The following CACNA2D1 variants were observed in gnomAD, a reference collection of about 807,000 sequenced individuals.
CACNA2D1 encodes the protein calcium voltage-gated channel auxiliary subunit alpha2delta 1, also known as voltage-dependent calcium channel subunit alpha-2/delta-1.
Under a neutral mutation model 171.5 loss-of-function variants are expected in CACNA2D1, and 53 were observed. The observed-to-expected ratio is 0.31, with a 90% CI of 0.25 to 0.39. CACNA2D1 has a LOEUF of 0.39. CACNA2D1 is among the 10% of genes least tolerant of loss of function. The pLI is 1.00. For synonymous variants in CACNA2D1, 442 were observed against 443.1 expected (o/e 1.00, Z 0.03); for missense variants, 903 against 1,299.8 (o/e 0.69, Z 4.69).
intron 7 of CACNA2D1, among the ~76,000 whole-genome samples, chr7:82,072,157 T>C (rs1318789144): frequency 2.0e-5 from 3 of 152,244 alleles, no homozygotes; most frequent in African/African-American, 7.2e-5. Context: ...GGGTCAAGCA[T>C]TAAAGCTTTG....
chr7:82,015,057 A>G (rs1320363205), intron 12 of CACNA2D1, among the ~76,000 whole-genome samples: 1 of 152,158 alleles, frequency 6.6e-6, no homozygotes, highest in Non-Finnish European at 1.5e-5. Context: ...CATTTCAAAA[A>G]AAGAAAAAAG....
At chr7:82,378,141 T>G (rs982536801) in intron 1 of CACNA2D1, among the ~76,000 whole-genome samples, 3 of 152,230 alleles carry the variant, frequency 2.0e-5, no homozygotes, top group Admixed American at 1.3e-4. Context: ...CGCATGCTTG[T>G]AATTCCAGCA....
intron 7 of CACNA2D1, among the ~76,000 whole-genome samples, chr7:82,080,382 T>C (rs1301203969): frequency 6.6e-6 from 1 of 152,098 alleles, no homozygotes. Flanking sequence ...AAATGAAAAT[T>C]ATAAAATTCT....
chr7:82,041,134 G>A (rs560327723), intron 10 of CACNA2D1, among the ~76,000 whole-genome samples: 15 of 152,226 alleles, frequency 9.9e-5, no homozygotes, highest in African/African-American at 3.6e-4. Context: ...GCTGGATGCA[G>A]AGCTGGAAAA....
At chr7:82,354,954 G>C (rs1469582459) in intron 1 of CACNA2D1, among the ~76,000 whole-genome samples, 1 of 152,030 alleles carries the variant, frequency 6.6e-6, no homozygotes. Flanking sequence ...TCATAAACAA[G>C]GCTTATCTCT....
chr7:82,009,262 T>A (rs1213270852), intron 15 of CACNA2D1: 1 of 152,152 alleles, frequency 6.6e-6, no homozygotes, highest in African/African-American at 2.4e-5. Flanking sequence ...CACATGGAAC[T>A]GTGAGTCAAT....
intron 2 of CACNA2D1, among the ~76,000 whole-genome samples, chr7:82,341,431 C>T (rs761978165): frequency 5.9e-5 from 9 of 152,056 alleles, no homozygotes; most frequent in Non-Finnish European, 1.3e-4. Context: ...ACAAACAAAA[C>T]CTCCTTTTCC....
At chr7:81,990,642 G>C (rs1278390637) in intron 21 of CACNA2D1, among the ~76,000 whole-genome samples, 1 of 152,122 alleles carries the variant, frequency 6.6e-6, no homozygotes, top group Non-Finnish European at 1.5e-5. Flanking sequence ...AGGAGAGTTA[G>C]AGCAAGAAAG....
At chr7:82,358,937 C>T in intron 1 of CACNA2D1, among the ~76,000 whole-genome samples, 1 of 152,088 alleles carries the variant, frequency 6.6e-6, no homozygotes, top group East Asian at 1.9e-4. Context: ...GCTTCCAAGA[C>T]AACAAATAAA....
chr7:82,145,017 C>A (rs919807876), intron 4 of CACNA2D1, among the ~76,000 whole-genome samples: 1 of 151,524 alleles, frequency 6.6e-6, no homozygotes, highest in East Asian at 1.9e-4. Context: ...AGGTTAGAAA[C>A]CTAAACACAT....
At chr7:82,142,874 C>T (rs1792559098) in intron 4 of CACNA2D1, among the ~76,000 whole-genome samples, 1 of 152,170 alleles carries the variant, frequency 6.6e-6, no homozygotes, top group Non-Finnish European at 1.5e-5. Context: ...TAGCTAAAAT[C>T]ATTTATAGCT....
intron 3 of CACNA2D1, among the ~76,000 whole-genome samples, chr7:82,217,853 A>G (rs1801322168): frequency 6.6e-6 from 1 of 151,010 alleles, no homozygotes; most frequent in Admixed American, 6.6e-5. Flanking sequence ...ACCTACATGT[A>G]CTGAAATTTT....
At chr7:82,421,826 TTCAGGACTATCTGAAG>T (rs1441225102) in intron 1 of CACNA2D1, among the ~76,000 whole-genome samples, 1 of 152,208 alleles carries the variant, frequency 6.6e-6, no homozygotes, top group African/African-American at 2.4e-5. Flanking sequence ...AGAATCTTAT[TTCAGGACTATCTGAAG>T]TCTACAGAAT....
chr7:82,000,457 A>T (rs1169077051), intron 18 of CACNA2D1, among the ~76,000 whole-genome samples: 1 of 152,150 alleles, frequency 6.6e-6, no homozygotes, highest in Non-Finnish European at 1.5e-5. Context: ...GAAGAAAATT[A>T]AACACTACAG....
chr7:82,157,098 G>T (rs1054842633), intron 4 of CACNA2D1, among the ~76,000 whole-genome samples: 1 of 152,036 alleles, frequency 6.6e-6, no homozygotes, highest in Admixed American at 6.6e-5. Flanking sequence ...AATTCACAAA[G>T]CTTGCAACAT....
chr7:82,176,970 A>G (rs1416824198), intron 3 of CACNA2D1, among the ~76,000 whole-genome samples: 1 of 151,922 alleles, frequency 6.6e-6, no homozygotes, highest in African/African-American at 2.4e-5. Context: ...ATACATTTTT[A>G]AAGTACTGCT....
Position 81,967,198 on chromosome 7 carries a change from G to A in CACNA2D1, c.2473C>T (p.Pro825Ser). 6.2e-7 allele frequency: 1 copy of A among 1,608,084 alleles called. No homozygotes were observed. Among genetic ancestry groups the A allele is most frequent in the East Asian group, 2.2e-5 (1 of 44,618 alleles). The change falls in exon 31 of 39, where the codon CCA becomes TCA. Residue 825 changes from proline to serine, a missense_variant. Around this residue, in one of 5 missense-constraint regions of CACNA2D1, gnomAD observed 623 missense variants for 925.5 expected, o/e 0.67. Coordinates refer to ENST00000356860, the MANE Select transcript of CACNA2D1 (RefSeq NM_000722.4). ...KTSIRDPCAGPVCDCKRNSDV... is the reference protein window; with the variant it reads ...KTSIRDPCAGSVCDCKRNSDV... ...CTGTTTCTTTTGCAGTCACAAACTG[G>A]ACCAGCACACTGAAAGACAAAAATG...
chr7:82,362,978 A>C (rs1821241022), intron 1 of CACNA2D1, among the ~76,000 whole-genome samples: 1 of 152,170 alleles, frequency 6.6e-6, no homozygotes, highest in Non-Finnish European at 1.5e-5. Flanking sequence ...TGCTAGGTGC[A>C]AAAGAAATGA....
chr7:82,129,593 T>A (rs1349303146), intron 5 of CACNA2D1, among the ~76,000 whole-genome samples: 8 of 152,208 alleles, frequency 5.3e-5, no homozygotes, highest in Non-Finnish European at 1.0e-4. Context: ...CTACTTTTTA[T>A]AGATCATTGA....
Sources: allele counts gnomAD v4.1 joint callset (sites outside exome capture counted in the v4.1 genomes callset), GRCh38; gene constraint gnomAD v4.1.1; regional missense constraint gnomAD v4.1.1; transcripts MANE v1.5; gene names NCBI Gene and HGNC (gene_info 2026-07-23, HGNC 2026-07-21).